Variants in DOCK2 observed in about 807,000 individuals in gnomAD.
DOCK2 encodes the protein dedicator of cytokinesis protein 2.
DOCK2 carries 87 observed loss-of-function variants against 248.9 expected under a neutral mutation model. The ratio of observed to expected loss-of-function variants is 0.35; its 90% CI spans 0.29 to 0.42. The LOEUF (loss-of-function observed/expected upper bound fraction) is 0.42. Among genes scored for constraint, DOCK2 ranks in the 10% least tolerant of loss-of-function variants. The pLI is 1.00. For synonymous variants in DOCK2, 805 were observed against 821.6 expected (o/e 0.98, Z 0.35); for missense variants, 1,747 against 2,300.2 (o/e 0.76, Z 4.92).
chr5:170,082,063 G>T (rs573813629), intron 51 of DOCK2, 79 bp downstream of exon 51: 1 of 1,563,952 alleles, frequency 6.4e-7, no homozygotes, highest in Non-Finnish European at 8.7e-7. Flanking sequence ...GAAGAAAATG[G>T]GGGGTTGTGT....
chr5:170,056,756 G>A lies in DOCK2; in HGVS notation c.4368G>A (p.Glu1456=), dbSNP rs1481002639. ...RPVRRGTVDP[E]NEFASMWIER... ...TGCGCAGGGGGACCGTAGACCCAGA[G>A]AATGAGTTTGCTGTGAGTATCTTCC... is the stretch of plus-strand genomic sequence containing the variant. The change falls in exon 43 of 52, where the codon GAG becomes GAA. Residue 1456 remains glutamate (E), a synonymous_variant. Transcript: ENST00000520908. 2 of 1,613,788 alleles carry A rather than the reference G, an allele frequency of 1.2e-6. No homozygotes were observed. Among genetic ancestry groups the A allele is most frequent in the Non-Finnish European group, 1.7e-6 (2 of 1,179,826 alleles).
chr5:169,744,846 C>A (rs1763515903), intron 22 of DOCK2, among the ~76,000 whole-genome samples: 1 of 152,188 alleles, frequency 6.6e-6, no homozygotes, highest in African/African-American at 2.4e-5. Context: ...GAAAGTGTTG[C>A]TGGAGCCCAG....
intron 51 of DOCK2, 71 bp from the exon 52 acceptor site, chr5:170,082,725 T>C: frequency 6.3e-7 from 1 of 1,583,390 alleles, no homozygotes; most frequent in Non-Finnish European, 8.6e-7. Flanking sequence ...TGATTAGGAC[T>C]GGGAAGCTCC....
intron 25 of DOCK2, among the ~76,000 whole-genome samples, chr5:169,769,562 C>T (rs1412601643): frequency 1.3e-5 from 2 of 152,216 alleles, no homozygotes; most frequent in African/African-American, 2.4e-5. Context: ...GGCAAAACAA[C>T]GCATCTAACC....
At chr5:169,828,122 A>G (rs1415734045) in intron 26 of DOCK2, among the ~76,000 whole-genome samples, 1 of 152,172 alleles carries the variant, frequency 6.6e-6, no homozygotes, top group African/African-American at 2.4e-5. Context: ...GACAAAGGCA[A>G]TCCTGATGTC....
chr5:169,758,276 T>C (rs577497629), intron 23 of DOCK2, among the ~76,000 whole-genome samples: 2 of 152,144 alleles, frequency 1.3e-5, no homozygotes, highest in South Asian at 4.1e-4. Context: ...TACACACACA[T>C]GCACATGTAG....
chr5:169,760,267 CCTT>C (rs750792430), intron 24 of DOCK2, among the ~76,000 whole-genome samples: 77 of 138,406 alleles, frequency 5.6e-4, no homozygotes, highest in South Asian at 1.2e-3. Flanking sequence ...ATCAGATATA[CCTT>C]CTTCTTTTTA....
intron 9 of DOCK2, among the ~76,000 whole-genome samples, chr5:169,690,811 T>C (rs149414507): frequency 2.8e-4 from 43 of 152,280 alleles, no homozygotes; most frequent in African/African-American, 1.0e-3. Context: ...TTAATGAGAA[T>C]GTAATCCTGC....
intron 30 of DOCK2, among the ~76,000 whole-genome samples, chr5:169,999,466 G>A (rs1456427382): frequency 6.6e-6 from 1 of 152,124 alleles, no homozygotes; most frequent in Non-Finnish European, 1.5e-5. Context: ...TGATGATCAT[G>A]CCCCTAAATG....
Position 169,681,899 on chromosome 5 carries a change from C to CTT in DOCK2, c.606+22_606+23dup. 1 of 1,611,628 alleles carries CTT rather than the reference C, an allele frequency of 6.2e-7. No homozygotes were observed. The highest frequency in any genetic ancestry group is 8.5e-7 in the Non-Finnish European group (1 of 1,179,076). ...GAAATGGTGAGCTTTACTAAATAGG[C>CTT]TTTGGCCAAGTGATACAATCATTTA... On this transcript the variant is annotated intron_variant, in intron 7 of 51. Transcript: ENST00000520908.
intron 27 of DOCK2, among the ~76,000 whole-genome samples, chr5:169,935,274 A>C (rs1161929671): frequency 6.6e-6 from 1 of 152,166 alleles, no homozygotes; most frequent in Admixed American, 6.5e-5. Flanking sequence ...TTTGTACATT[A>C]TCAGATCAAA....
In DOCK2 at chr5:169,824,534, AT is replaced by A. The variant is rs549476990; in HGVS notation, c.2704-16220del. ...ACAAGCAATGGGGAAAGGATTCCCTATTTAATAAATGGTGCTGGGAAAACTG... is the reference window on the plus strand; with the variant it reads ...ACAAGCAATGGGGAAAGGATTCCCTATTAATAAATGGTGCTGGGAAAACTG... On this transcript the variant is annotated intron_variant, in intron 26 of 51. Coordinates refer to ENST00000520908, the MANE Select transcript of DOCK2 (RefSeq NM_004946.3). Among the ~76,000 whole-genome samples, 398 of 152,348 alleles carry A rather than the reference AT, an allele frequency of 2.6e-3. 2 individuals are homozygous for A. Among genetic ancestry groups the A allele is most frequent in the Middle Eastern group, 6.8e-3 (2 of 294 alleles).
At chr5:169,864,859 C>A (rs746893775) in intron 27 of DOCK2, among the ~76,000 whole-genome samples, 29 of 152,184 alleles carry the variant, frequency 1.9e-4, no homozygotes, top group Non-Finnish European at 3.1e-4. Flanking sequence ...GTTTCATTAT[C>A]TGTAAAATGG....
chr5:169,736,721 A>C lies in DOCK2; in HGVS notation c.2268-10675A>C, dbSNP rs368831506. Among the ~76,000 whole-genome samples, 19 of 152,362 alleles carry C rather than the reference A, an allele frequency of 1.2e-4. 1 individual carries two copies. The South Asian group carries it at 3.9e-3, about 32-fold the overall frequency. On this transcript the variant is annotated intron_variant, in intron 22 of 51. Coordinates refer to ENST00000520908, the MANE Select transcript of DOCK2 (RefSeq NM_004946.3). ...GTAGCTTCCAAAACACCTTTAACTC[A>C]GGATTTATTCATCCTTACATTCAGC... is the stretch of plus-strand genomic sequence containing the variant.
At chr5:169,914,029 C>A (rs186967048) in intron 27 of DOCK2, among the ~76,000 whole-genome samples, 1 of 152,118 alleles carries the variant, frequency 6.6e-6, no homozygotes, top group African/African-American at 2.4e-5. Context: ...GATGGACACC[C>A]AAAGATGTTT....
chr5:170,065,955 T>TA (rs1461955053), intron 44 of DOCK2, among the ~76,000 whole-genome samples: 1 of 149,158 alleles, frequency 6.7e-6, no homozygotes, highest in Non-Finnish European at 1.5e-5. Flanking sequence ...TGAAAACTGT[T>TA]TTTTTTTTTT....
At chr5:169,641,546 T>C (rs963567081) in intron 1 of DOCK2, among the ~76,000 whole-genome samples, 1 of 152,202 alleles carries the variant, frequency 6.6e-6, no homozygotes, top group East Asian at 1.9e-4. Context: ...GTGTGGTGTG[T>C]ATCTGTGGGA....
chr5:169,920,526 ATCTCACCAT>A (rs1484859610), intron 27 of DOCK2, among the ~76,000 whole-genome samples: 2 of 151,454 alleles, frequency 1.3e-5, no homozygotes, highest in African/African-American at 4.9e-5. Context: ...GCAAACCGAG[ATCTCACCAT>A]TCACACCACT....
At chr5:170,044,169 TA>T (rs1561895164) in intron 38 of DOCK2, among the ~76,000 whole-genome samples, 1 of 152,214 alleles carries the variant, frequency 6.6e-6, no homozygotes. Context: ...TTCTACTCCA[TA>T]AGTTCATCTT....
Sources: gnomAD v4.1 joint callset for allele counts (sites outside exome capture counted in the v4.1 genomes callset) on GRCh38, gnomAD v4.1.1 for gene constraint, MANE v1.5 for transcripts, NCBI Gene and HGNC (gene_info 2026-07-23, HGNC 2026-07-21) for gene names.